ARHGAP8: variants seen among roughly 807,000 people sequenced by gnomAD.
The protein encoded by ARHGAP8 is Rho GTPase activating protein 8, also known as rho GTPase-activating protein 8.
Under a neutral mutation model 46.1 loss-of-function variants are expected in ARHGAP8, and 62 were observed. That is an observed-to-expected ratio of 1.34 (90% CI 1.10 to 1.66). The LOEUF is 1.66. Ranked by LOEUF, ARHGAP8 falls within the 40% of genes most tolerant of loss-of-function variation. The pLI, the probability that ARHGAP8 is intolerant of heterozygous loss-of-function variation, is 0.00. For synonymous variants in ARHGAP8, 375 were observed against 243.1 expected (o/e 1.54, Z -5.05); for missense variants, 923 against 568.4 (o/e 1.62, Z -6.34).
chr22:44,802,533 C>G (rs1928631364), intron 3 of ARHGAP8, among the ~76,000 whole-genome samples: 1 of 152,344 alleles, frequency 6.6e-6, no homozygotes, highest in South Asian at 2.1e-4. Context: ...TTTGAAACCT[C>G]CCTGGGCCTC....
rs1569191022 is a variant in ARHGAP8, at chr22:44,862,267, T to G, written c.982-8T>G. 4 of 1,580,552 alleles carry G rather than the reference T, an allele frequency of 2.5e-6. No homozygotes were observed. The South Asian group carries it at 4.6e-5, about 18-fold the overall frequency. ...CACTCCCCTTTACTTGTGTGTGGTT[T>G]CCTCCAGGTGTCCCGGGAGAGCATC... On this transcript the variant is annotated splice_region_variant and splice_polypyrimidine_tract_variant and intron_variant, in intron 11 of 11. Coordinates refer to ENST00000356099, the MANE Select transcript of ARHGAP8 (RefSeq NM_181335.3).
At chr22:44,837,195 T>C (rs1340639251) in intron 7 of ARHGAP8, among the ~76,000 whole-genome samples, 1 of 152,212 alleles carries the variant, frequency 6.6e-6, no homozygotes. Context: ...CCTACTGTTT[T>C]TAATTAGTCA....
chr22:44,804,234 T>C (rs1928777208), intron 3 of ARHGAP8, among the ~76,000 whole-genome samples: 1 of 152,188 alleles, frequency 6.6e-6, no homozygotes, highest in African/African-American at 2.4e-5. Flanking sequence ...CCCTTGCTGC[T>C]GGTGTCTGCT....
At chr22:44,811,743 C>G (rs958934207) in intron 4 of ARHGAP8, among the ~76,000 whole-genome samples, 2 of 152,110 alleles carry the variant, frequency 1.3e-5, no homozygotes, top group Non-Finnish European at 2.9e-5. Context: ...CGCCTGTAAT[C>G]CCAGCACTTT....
intron 7 of ARHGAP8, among the ~76,000 whole-genome samples, chr22:44,837,830 A>T (rs1249557280): frequency 6.6e-6 from 1 of 152,126 alleles, no homozygotes; most frequent in Non-Finnish European, 1.5e-5. Context: ...CCTCAAATGC[A>T]CGGGCAGTGG....
chr22:44,789,312 C>T (rs989742307), intron 2 of ARHGAP8, among the ~76,000 whole-genome samples: 5 of 151,874 alleles, frequency 3.3e-5, no homozygotes, highest in African/African-American at 1.2e-4. Context: ...CACCAAGCCC[C>T]GATAATTTTT....
chr22:44,760,063 G>A (rs1213997474), intron 1 of ARHGAP8, among the ~76,000 whole-genome samples: 1 of 152,206 alleles, frequency 6.6e-6, no homozygotes, highest in Non-Finnish European at 1.5e-5. Context: ...TTGTGGGCAG[G>A]CCTCTGACAA....
intron 1 of ARHGAP8, among the ~76,000 whole-genome samples, chr22:44,761,258 C>T (rs769875952): frequency 1.2e-4 from 19 of 152,150 alleles, no homozygotes; most frequent in East Asian, 1.9e-4. Flanking sequence ...GCTCTGCATC[C>T]GTGGCCTCTG....
At chr22:44,833,676 T>G (rs945046604) in intron 7 of ARHGAP8, among the ~76,000 whole-genome samples, 1 of 152,206 alleles carries the variant, frequency 6.6e-6, no homozygotes, top group Non-Finnish European at 1.5e-5. Context: ...GGCCTCAGAA[T>G]GAGTTGGGAA....
At chr22:44,827,737 T>C (rs1458880499) in intron 7 of ARHGAP8, among the ~76,000 whole-genome samples, 1 of 152,032 alleles carries the variant, frequency 6.6e-6, no homozygotes, top group African/African-American at 2.4e-5. Context: ...GTTGCGAGTA[T>C]AGGGGGAGGG....
At chr22:44,857,994 A>C (rs1215467436) in intron 10 of ARHGAP8, among the ~76,000 whole-genome samples, 1 of 152,154 alleles carries the variant, frequency 6.6e-6, no homozygotes, top group Non-Finnish European at 1.5e-5. Context: ...CATAATTCGT[A>C]GATAAGGTTC....
intron 1 of ARHGAP8, among the ~76,000 whole-genome samples, chr22:44,754,476 ATCC>A (rs1177978239): frequency 6.6e-6 from 1 of 151,952 alleles, no homozygotes; most frequent in Non-Finnish European, 1.5e-5. Context: ...GTGCCTCAGC[ATCC>A]AGAGTAGCTA....
intron 3 of ARHGAP8, among the ~76,000 whole-genome samples, chr22:44,803,004 CTGCT>C (rs1221495102): frequency 6.6e-6 from 1 of 152,194 alleles, no homozygotes; most frequent in African/African-American, 2.4e-5. Context: ...GCTGCTGCTG[CTGCT>C]GCCGCCACCA....
rs778498075 is a variant in ARHGAP8, at chr22:44,862,234, T to G, written c.982-41T>G. The G allele has an allele frequency of 4.3e-5, 66 of 1,550,982 alleles. No individual in the cohort carries two copies. In the South Asian group the frequency reaches 4.8e-4, roughly 11 times the overall value. On this transcript the variant is annotated intron_variant, in intron 11 of 11. Transcript: ENST00000356099. ...AGGGAGTTCCAGGTGCCCGTGCCCC[T>G]TGGTGTTCACTCCCCTTTACTTGTG...
chr22:44,849,930 C>T (rs1006250234), intron 10 of ARHGAP8: 88 of 152,132 alleles, frequency 5.8e-4, no homozygotes, highest in African/African-American at 1.9e-3. Context: ...CAGGAGTTAC[C>T]TTTGTCACTC....
At chr22:44,844,048 T>G (rs1428219024) in intron 7 of ARHGAP8, among the ~76,000 whole-genome samples, 1 of 152,190 alleles carries the variant, frequency 6.6e-6, no homozygotes, top group Non-Finnish European at 1.5e-5. Context: ...CTTGGCTCCC[T>G]GCAACTTCCG....
chr22:44,842,883 G>A (rs1388040179), intron 7 of ARHGAP8, among the ~76,000 whole-genome samples: 8 of 152,204 alleles, frequency 5.3e-5, no homozygotes, highest in Non-Finnish European at 1.2e-4. Context: ...AGACCCAGTC[G>A]AATACTTTGA....
At chr22:44,859,670 C>A in intron 10 of ARHGAP8, 61 bp from the exon 11 acceptor site, 1 of 1,578,712 alleles carries the variant, frequency 6.3e-7, no homozygotes, top group Non-Finnish European at 8.6e-7. Flanking sequence ...CCTCCCGGGC[C>A]GGGATGCAGC....
Position 44,802,068 on chromosome 22 carries a change from C to T in ARHGAP8, c.80-9C>T. On this transcript the variant is annotated splice_polypyrimidine_tract_variant and intron_variant, in intron 2 of 11. Transcript: ENST00000356099. ...TGGCACAGAGGCTCACCTGTGTCTG[C>T]TCCTCCAGGGGATGACCGCTTTGGA... The T allele has an allele frequency of 6.2e-7, 1 of 1,613,994 alleles. No homozygotes were observed. The highest frequency in any genetic ancestry group is 2.2e-5 in the East Asian group (1 of 44,888).
Sources: gnomAD v4.1 joint callset for allele counts (sites outside exome capture counted in the v4.1 genomes callset) on GRCh38, gnomAD v4.1.1 for gene constraint, MANE v1.5 for transcripts, NCBI Gene and HGNC (gene_info 2026-07-23, HGNC 2026-07-21) for gene names.